The following DLGAP2 variants were observed in gnomAD, a reference collection of about 807,000 sequenced individuals.
DLGAP2 encodes the protein DLG associated protein 2.
Under a neutral mutation model 100.3 loss-of-function variants are expected in DLGAP2, and 26 were observed. The observed-to-expected ratio is 0.26, with a 90% CI of 0.19 to 0.36. DLGAP2 has a LOEUF of 0.36. Among genes scored for constraint, DLGAP2 ranks in the 10% least tolerant of loss-of-function variants. The pLI is 1.00. For missense variants in DLGAP2, 1,858 were observed against 1,453.2 expected, an observed-to-expected ratio of 1.28 and a Z score of -4.53; for synonymous variants, 886 against 630.1, an observed-to-expected ratio of 1.41 and a Z score of -6.08.
chr8:1,157,617 G>T (rs767542178), intron 2 of DLGAP2, among the ~76,000 whole-genome samples: 2 of 152,148 alleles, frequency 1.3e-5, no homozygotes, highest in South Asian at 2.1e-4. Flanking sequence ...TTCTGGGGCT[G>T]TTCTCACCTG....
chr8:741,680 C>T (rs1045802269), intron 1 of DLGAP2, among the ~76,000 whole-genome samples: 104 of 152,208 alleles, frequency 6.8e-4, no homozygotes, highest in African/African-American at 2.3e-3. Flanking sequence ...ATTTGCAGTT[C>T]AGTGTACGCT....
intron 1 of DLGAP2, among the ~76,000 whole-genome samples, chr8:816,288 T>TTC (rs1184184977): frequency 6.7e-6 from 1 of 149,010 alleles, no homozygotes; most frequent in East Asian, 1.9e-4. Flanking sequence ...TTTTTTTTTT[T>TTC]CATTGCATTG....
intron 2 of DLGAP2, among the ~76,000 whole-genome samples, chr8:1,115,639 A>G (rs1489197271): frequency 6.6e-6 from 1 of 152,190 alleles, no homozygotes; most frequent in African/African-American, 2.4e-5. Flanking sequence ...CAGTGGTAAA[A>G]TCAAACAATT....
intron 2 of DLGAP2, among the ~76,000 whole-genome samples, chr8:926,779 C>T (rs563518319): frequency 6.6e-6 from 1 of 152,364 alleles, no homozygotes; most frequent in Admixed American, 6.5e-5. Flanking sequence ...GCACACAGAG[C>T]TGGCCGCACC....
rs1797796411 is a variant in DLGAP2 at position 881,661 on chromosome 8, GGC to G, written c.19-26250_19-26249del. Among the ~76,000 whole-genome samples the G allele has an allele frequency of 6.7e-5, 4 of 59,678 alleles. 1 individual carries two copies. Among genetic ancestry groups the G allele is most frequent in the Non-Finnish European group, 1.9e-4 (4 of 21,618 alleles). The allele number at this position is 59,678 out of a possible 152,430, so 39.2% of individuals were successfully genotyped here. A position where few individuals can be genotyped will look rare whatever the true frequency, so the allele number is the denominator to read the frequency against. On this transcript the variant is annotated intron_variant, in intron 1 of 14. Coordinates refer to ENST00000637795, the MANE Select transcript of DLGAP2 (RefSeq NM_001346810.2). ...ATTATAGGCGCACGCCACCACTTGTGGCTGAACACACACACACACACTTTTTT... is the reference window on the plus strand; with the variant it reads ...ATTATAGGCGCACGCCACCACTTGTGTGAACACACACACACACACTTTTTT...
intron 3 of DLGAP2, among the ~76,000 whole-genome samples, chr8:1,363,849 G>T (rs1187860439): frequency 3.3e-5 from 5 of 152,054 alleles, no homozygotes; most frequent in African/African-American, 1.2e-4. Flanking sequence ...GCCTGGCCTT[G>T]GCCTGCCACG....
At chr8:1,391,826 G>A (rs1034351732) in intron 3 of DLGAP2, among the ~76,000 whole-genome samples, 8 of 152,266 alleles carry the variant, frequency 5.3e-5, no homozygotes, top group African/African-American at 1.9e-4. Flanking sequence ...TTAAGCGGAA[G>A]CAGCAAATGT....
At chr8:1,133,655 C>G (rs374698779) in intron 2 of DLGAP2, among the ~76,000 whole-genome samples, 1 of 152,182 alleles carries the variant, frequency 6.6e-6, no homozygotes, top group East Asian at 1.9e-4. Flanking sequence ...AGCATAAATT[C>G]TAGTTTAGCC....
Position 1,164,308 on chromosome 8 carries a change from GTTT to G in DLGAP2, c.74-94540_74-94538del, listed in dbSNP as rs1351118613. Among the ~76,000 whole-genome samples, 3 of 86,404 alleles carry G rather than the reference GTTT, an allele frequency of 3.5e-5. 1 individual carries two copies. Among genetic ancestry groups the G allele is most frequent in the Non-Finnish European group, 8.4e-5 (3 of 35,694 alleles). The allele number at this position is 86,404 out of a possible 152,430, so 56.7% of individuals were successfully genotyped here. A position where few individuals can be genotyped will look rare whatever the true frequency, so the allele number is the denominator to read the frequency against. On this transcript the variant is annotated intron_variant, in intron 2 of 14. Transcript: ENST00000637795. ...ACTGATTGTGAGCCCCCCAGGGTTT[GTTT>G]TTGTTTGTGGGGACAGATTTTTCTG...
At chr8:1,367,014 C>T (rs942972370) in intron 3 of DLGAP2, among the ~76,000 whole-genome samples, 1 of 152,156 alleles carries the variant, frequency 6.6e-6, no homozygotes, top group African/African-American at 2.4e-5. Flanking sequence ...TTAACATTTA[C>T]ATGGCAACCC....
intron 2 of DLGAP2, among the ~76,000 whole-genome samples, chr8:1,239,700 T>C (rs1316632654): frequency 9.9e-4 from 14 of 14,116 alleles, no homozygotes; most frequent in East Asian, 5.9e-3. Context: ...GTCTAGTTGT[T>C]TCTCACACAG....
At chr8:1,561,736 T>A (rs2906581) in intron 5 of DLGAP2, among the ~76,000 whole-genome samples, 39,712 of 81,188 alleles carry the variant, frequency 0.49, 6,349 homozygotes, top group Middle Eastern at 0.57. Flanking sequence ...GCGCCTCGTT[T>A]CTGGGGGACT....
chr8:1,362,779 C>T (rs1802015547), intron 3 of DLGAP2, among the ~76,000 whole-genome samples: 2 of 152,274 alleles, frequency 1.3e-5, no homozygotes, highest in East Asian at 1.9e-4. Context: ...ACTTCTTTGA[C>T]CCCATGCATT....
At chr8:1,596,221 C>T (rs1011421187) in intron 6 of DLGAP2, among the ~76,000 whole-genome samples, 7 of 152,174 alleles carry the variant, frequency 4.6e-5, no homozygotes, top group Non-Finnish European at 1.0e-4. Context: ...TTTATGGCTG[C>T]ATAGTATTCC....
chr8:1,690,703 C>CAAAAAAAAAAAAAAAAAAAAAAA (rs71190752), intron 12 of DLGAP2, among the ~76,000 whole-genome samples: 1 of 62,086 alleles, frequency 1.6e-5, no homozygotes, highest in East Asian at 5.1e-4. Flanking sequence ...GACCCTATCT[C>CAAAAAAAAAAAAAAAAAAAAAAA]AAAAAAAAAA....
chr8:796,337 G>A (rs62485638), intron 1 of DLGAP2, among the ~76,000 whole-genome samples: 54,749 of 152,004 alleles, frequency 0.36, 10,186 homozygotes, highest in Non-Finnish European at 0.41. Context: ...GCTCCTGGGA[G>A]AATTCTTCTG....
chr8:1,701,050 C>A, intron 14 of DLGAP2, 138 bp from the exon 15 acceptor site: 6 of 752,802 alleles, frequency 8.0e-6, no homozygotes, highest in African/African-American at 1.8e-5. Context: ...CCAGGGCAGA[C>A]GGGGGACGGG....
chr8:1,039,519 T>C (rs1802241276), intron 2 of DLGAP2, among the ~76,000 whole-genome samples: 1 of 131,246 alleles, frequency 7.6e-6, no homozygotes, highest in African/African-American at 3.0e-5. Context: ...TCGGTGTGCA[T>C]GTTCAGCTCG....
At chr8:1,313,900 C>G (rs1275339658) in intron 3 of DLGAP2, among the ~76,000 whole-genome samples, 3 of 152,002 alleles carry the variant, frequency 2.0e-5, no homozygotes, top group African/African-American at 4.8e-5. Flanking sequence ...CACCTGACCC[C>G]CAAGAACCAC....
Sources: allele counts gnomAD v4.1 joint callset (sites outside exome capture counted in the v4.1 genomes callset), GRCh38; gene constraint gnomAD v4.1.1; transcripts MANE v1.5; gene names NCBI Gene and HGNC (gene_info 2026-07-23, HGNC 2026-07-21).